Variants in PRKCB observed in about 807,000 individuals in gnomAD.
PRKCB encodes the protein protein kinase C beta type.
In PRKCB, 13 loss-of-function variants were observed where a neutral mutation model predicts 81.5. The observed-to-expected ratio is 0.16, with a 90% confidence interval of 0.10 to 0.25. The LOEUF is 0.25. Ranked by LOEUF, PRKCB falls within the 10% of genes least tolerant of loss-of-function variation. The probability of loss-of-function intolerance (pLI) is 1.00; values close to 1 mark genes in which losing one functional copy is unlikely to be tolerated. For synonymous variants in PRKCB, 335 were observed against 321.4 expected, an observed-to-expected ratio of 1.04 and a Z score of -0.45; for missense variants, 509 against 875.7, an observed-to-expected ratio of 0.58 and a Z score of 5.29.
chr16:24,001,780 C>G (rs6497710), intron 3 of PRKCB, among the ~76,000 whole-genome samples: 104,503 of 152,020 alleles, frequency 0.69, 37,116 homozygotes, highest in African/African-American at 0.87. Flanking sequence ...AAGAAATAAA[C>G]CTTTACAATT....
At chr16:24,050,917 GC>G (rs1965833603) in intron 5 of PRKCB, among the ~76,000 whole-genome samples, 1 of 152,024 alleles carries the variant, frequency 6.6e-6, no homozygotes, top group Non-Finnish European at 1.5e-5. Context: ...TAGCCTGCAG[GC>G]CCCACATCCT....
intron 9 of PRKCB, among the ~76,000 whole-genome samples, chr16:24,129,607 A>G (rs1966850284): frequency 2.6e-5 from 4 of 151,810 alleles, no homozygotes; most frequent in Admixed American, 2.6e-4. Flanking sequence ...CTATCTACCC[A>G]TCATCTATCT....
chr16:24,098,989 A>G (rs1170378252), intron 7 of PRKCB: 1 of 152,186 alleles, frequency 6.6e-6, no homozygotes, highest in African/African-American at 2.4e-5. Flanking sequence ...TCAGTTACTC[A>G]CAGTGGATGT....
At chr16:24,094,956 G>A (rs1469023190) in intron 7 of PRKCB, among the ~76,000 whole-genome samples, 1 of 151,852 alleles carries the variant, frequency 6.6e-6, no homozygotes, top group Non-Finnish European at 1.5e-5. Flanking sequence ...ACAGAAGGAG[G>A]GAGGGAGGGA....
intron 7 of PRKCB, among the ~76,000 whole-genome samples, chr16:24,105,941 T>A (rs1350520763): frequency 6.6e-6 from 1 of 152,206 alleles, no homozygotes; most frequent in East Asian, 1.9e-4. Context: ...TTGCCATGTT[T>A]CTTATGGTGT....
In PRKCB at chr16:24,219,761, TCCA is replaced by T. The variant is rs1968293498; in HGVS notation, c.*4950_*4952del. On this transcript the variant is annotated 3_prime_UTR_variant, in exon 17 of 17. Transcript: ENST00000643927. ...GACTTACTTCTTTTCTTAGAAAATT[TCCA>T]CCACATTTCTATCCCCAAGCCAACA... The T allele has an allele frequency of 7.2e-7, 1 of 1,388,106 alleles. No individual in the cohort carries two copies. The highest frequency in any genetic ancestry group is 9.3e-7 in the Non-Finnish European group (1 of 1,073,304). The allele number at this position is 1,388,106 out of a possible 1,614,324, so 86.0% of individuals were successfully genotyped here.
chr16:24,194,371 A>C (rs76393542), intron 16 of PRKCB, among the ~76,000 whole-genome samples: 2,638 of 151,934 alleles, frequency 0.017, 67 homozygotes, highest in African/African-American at 0.057. Context: ...CAAAAAAAAA[A>C]CCTCACAATT....
intron 3 of PRKCB, among the ~76,000 whole-genome samples, chr16:23,993,393 A>G (rs1314807774): frequency 2.0e-5 from 3 of 152,192 alleles, no homozygotes; most frequent in African/African-American, 7.2e-5. Flanking sequence ...AAGATGGCCT[A>G]TCATGAGTGA....
chr16:24,172,451 C>T (rs931572851), intron 11 of PRKCB, 90 bp downstream of exon 11: 12 of 1,010,016 alleles, frequency 1.2e-5, no homozygotes, highest in Admixed American at 2.1e-5. Flanking sequence ...AAAGAGGGAT[C>T]TTTAAACACC....
At position 24,191,100 on chromosome 16, in the gene PRKCB, A is replaced by G; in HGVS notation, c.1733A>G (p.Lys578Arg). 1 of 1,613,822 alleles carries G rather than the reference A, an allele frequency of 6.2e-7. No individual in the cohort carries two copies. The highest frequency in any genetic ancestry group is 1.1e-5 in the South Asian group (1 of 90,964). The change falls in exon 16 of 17, where the codon AAA becomes AGA. Residue 578 changes from lysine to arginine, a missense_variant. Lys to Arg is a conservative substitution (Grantham distance 26). Coordinates refer to ENST00000643927, the MANE Select transcript of PRKCB (RefSeq NM_002738.7). ...TTCTTTCTCTCGAAGCTGATGACCA[A>G]ACACCCAGGCAAACGTCTGGGTTGT... is the stretch of plus-strand genomic sequence containing the variant. ...AVAICKGLMT[K>R]HPGKRLGCGP...
intron 5 of PRKCB, among the ~76,000 whole-genome samples, chr16:24,078,846 A>G (rs1288877635): frequency 6.6e-6 from 1 of 152,158 alleles, no homozygotes; most frequent in East Asian, 1.9e-4. Context: ...GACCAGGGAA[A>G]CCGCTGTAGA....
chr16:24,170,214 A>G (rs1382356177), intron 10 of PRKCB, among the ~76,000 whole-genome samples: 5 of 152,174 alleles, frequency 3.3e-5, no homozygotes, highest in East Asian at 3.8e-4. Context: ...CTCAGCACCC[A>G]TCTATAACCT....
At chr16:23,884,098 A>G (rs1200565275) in intron 2 of PRKCB, among the ~76,000 whole-genome samples, 3 of 152,220 alleles carry the variant, frequency 2.0e-5, no homozygotes, top group Non-Finnish European at 2.9e-5. Context: ...CCACACTTCA[A>G]GTACTCAGTA....
At chr16:23,882,329 C>T (rs146727589) in intron 2 of PRKCB, among the ~76,000 whole-genome samples, 23 of 152,170 alleles carry the variant, frequency 1.5e-4, no homozygotes, top group African/African-American at 3.4e-4. Flanking sequence ...AGAGATCCTC[C>T]CATCTCAGCC....
intron 2 of PRKCB, among the ~76,000 whole-genome samples, chr16:23,962,746 T>C (rs1338343343): frequency 6.9e-6 from 1 of 145,884 alleles, no homozygotes; most frequent in Non-Finnish European, 1.5e-5. Flanking sequence ...GTTTTTTTTT[T>C]CTTTTATTTT....
chr16:24,099,786 C>A (rs413117), intron 7 of PRKCB: 103,716 of 151,914 alleles, frequency 0.68, 35,600 homozygotes, highest in African/African-American at 0.74. Flanking sequence ...CAGCCTGGCC[C>A]ACATGGTGAA....
intron 10 of PRKCB, among the ~76,000 whole-genome samples, chr16:24,158,872 G>T (rs1008055398): frequency 1.3e-5 from 2 of 151,980 alleles, no homozygotes; most frequent in Admixed American, 1.3e-4. Context: ...TGTTACCTAG[G>T]CTGGTCTCAA....
intron 3 of PRKCB, among the ~76,000 whole-genome samples, chr16:23,993,649 C>G (rs573429556): frequency 2.0e-5 from 3 of 152,180 alleles, no homozygotes; most frequent in Non-Finnish European, 4.4e-5. Context: ...ACTATGGGAA[C>G]CACAGCCACT....
At chr16:24,080,874 C>G (rs1266432452) in intron 5 of PRKCB, among the ~76,000 whole-genome samples, 2 of 152,024 alleles carry the variant, frequency 1.3e-5, no homozygotes, top group Admixed American at 6.6e-5. Flanking sequence ...GTAAATTCTA[C>G]CAACACTTAA....
Sources: allele counts gnomAD v4.1 joint callset (sites outside exome capture counted in the v4.1 genomes callset), GRCh38; gene constraint gnomAD v4.1.1; transcripts MANE v1.5; gene names NCBI Gene and HGNC (gene_info 2026-07-23, HGNC 2026-07-21).